Variants in MICALL2 observed in about 807,000 individuals in gnomAD.
MICALL2 encodes the protein MICAL-like protein 2.
MICALL2 carries 111 observed loss-of-function variants against 91.1 expected under a neutral mutation model. That is an observed-to-expected ratio of 1.22 (90% confidence interval 1.04 to 1.43). The LOEUF (loss-of-function observed/expected upper bound fraction) is 1.43, where lower values mean the gene tolerates loss of function less well. MICALL2 is among the 40% of genes most tolerant of loss of function. The pLI is 0.00. For synonymous variants in MICALL2, 694 were observed against 525.3 expected, an observed-to-expected ratio of 1.32 and a Z score of -4.39; for missense variants, 1,556 against 1,236.0, an observed-to-expected ratio of 1.26 and a Z score of -3.88.
chr7:1,437,614 G>T lies in MICALL2; in HGVS notation c.2403-6C>A, dbSNP rs990611820. On this transcript the variant is annotated splice_polypyrimidine_tract_variant and splice_region_variant and intron_variant, in intron 13 of 16. Coordinates refer to ENST00000297508, the MANE Select transcript of MICALL2 (RefSeq NM_182924.4). ...CCAGACGCTGGGCCTTGGACCTGCC[G>T]CACAGACACGCGTCTGAGGCCTGAC... 7 of 1,538,654 alleles carry T rather than the reference G, an allele frequency of 4.5e-6. No individual in the cohort carries two copies. In the South Asian group the frequency reaches 6.0e-5, roughly 13 times the overall value.
At chr7:1,435,406 A>AG (rs879543928) in intron 15 of MICALL2, among the ~76,000 whole-genome samples, 5,415 of 151,646 alleles carry the variant, frequency 0.036, 349 homozygotes, top group African/African-American at 0.096. Flanking sequence ...GACCTGGGAC[A>AG]GAAGGGCCTG....
At chr7:1,444,376 C>A (rs1351901797) in intron 6 of MICALL2, among the ~76,000 whole-genome samples, 1 of 152,192 alleles carries the variant, frequency 6.6e-6, no homozygotes, top group African/African-American at 2.4e-5. Context: ...GCACAGGGGG[C>A]CCCGGAGCGG....
Position 1,444,850 on chromosome 7 carries a change from G to A in MICALL2, c.1220C>T (p.Thr407Ile). Residue 407 changes from threonine (T) to isoleucine (I), a missense_variant, in exon 6 of 17, where the codon ACC becomes ATC. Transcript: ENST00000297508. Reference sequence around the variant, plus strand: ...CTGCTGGGTCCTGGAGGCGGACGGGGTCCAGGCTGGGGGGTCCACCGTGGC... The same window carrying A: ...CTGCTGGGTCCTGGAGGCGGACGGGATCCAGGCTGGGGGGTCCACCGTGGC... ...SAATVDPPAW[T>I]PSASRTQQAR... 1 of 1,605,450 alleles carries A rather than the reference G, an allele frequency of 6.2e-7. No individual in the cohort carries two copies. The highest frequency in any genetic ancestry group is 8.5e-7 in the Non-Finnish European group (1 of 1,177,774).
Position 1,455,629 on chromosome 7 carries a change from G to A in MICALL2, c.143+3555C>T, listed in dbSNP as rs144780968. ...GGTACACAGGAATGTCCGGATCCCCGCCCCCTCCACCCGGGGTCGGTGGGG... is the reference window on the plus strand; with the variant it reads ...GGTACACAGGAATGTCCGGATCCCCACCCCCTCCACCCGGGGTCGGTGGGG... On this transcript the variant is annotated intron_variant, in intron 1 of 16. Transcript: ENST00000297508. Among the ~76,000 whole-genome samples, 961 of 149,824 alleles carry A rather than the reference G, an allele frequency of 6.4e-3. 27 individuals carry two copies. Among genetic ancestry groups the A allele is most frequent in the Middle Eastern group, 0.014 (4 of 292 alleles).
rs1248472502 is a variant in MICALL2, at chr7:1,459,247, G to A, written c.80C>T (p.Thr27Ile). 2.5e-6 allele frequency: 4 copies of A among 1,611,038 alleles called. No homozygotes were observed. The highest frequency in any genetic ancestry group is 1.3e-5 in the African/African-American group (1 of 74,796). The change falls in exon 1 of 17, where the codon ACC becomes ATC. Residue 27 changes from threonine (T) to isoleucine (I), a missense_variant. By Grantham distance (89) the Thr-to-Ile change is moderately conservative. Transcript: ENST00000297508. ...AGCCAGGCCGTCGCGGAACGACGTG[G>A]TCATGTTGCAGATATTCACGTCGCG... Reference protein sequence around the residue: ...GYRDVNICNMTTSFRDGLAFC... With the variant: ...GYRDVNICNMITSFRDGLAFC...
rs1005824172 is a variant in MICALL2, at chr7:1,447,710, T to C, written c.390A>G (p.Ser130=). The C allele has an allele frequency of 5.1e-6, 8 of 1,576,874 alleles. No individual in the cohort carries two copies. The highest frequency in any genetic ancestry group is 2.7e-5 in the African/African-American group (2 of 74,116). Residue 130 remains serine, a synonymous_variant, in exon 4 of 17, where the codon TCA becomes TCG. Coordinates refer to ENST00000297508, the MANE Select transcript of MICALL2 (RefSeq NM_182924.4). ...RASEDSEEEP[S]GKKAPVQAAK... is the part of the protein sequence containing the mutation. The stretch of plus-strand genomic sequence containing the variant: ...CCGCCTGGACTGGAGCCTTCTTCCC[T>C]GACGGCTCCTCCTCAGAGTCCTCCG...
chr7:1,458,083 T>A (rs1481337421), intron 1 of MICALL2, among the ~76,000 whole-genome samples: 1 of 152,210 alleles, frequency 6.6e-6, no homozygotes, highest in Non-Finnish European at 1.5e-5. Context: ...GCTCCACGAA[T>A]GCATGTCACA....
At position 1,452,051 on chromosome 7, in the gene MICALL2, A is replaced by C. The variant is rs369775552; in HGVS notation, c.144-1763T>G. On this transcript the variant is annotated intron_variant, in intron 1 of 16. Transcript: ENST00000297508. This position sits in a 1 kb window ranked among gnomAD's most constrained non-coding sequence, Gnocchi z 6.2. Reference sequence around the variant, plus strand: ...GGAAGCCCCCGCCCCGTCCGCCTGCAGCCCTGCCGTCCATCAATCTGCTGG... The same window carrying C: ...GGAAGCCCCCGCCCCGTCCGCCTGCCGCCCTGCCGTCCATCAATCTGCTGG... 3.9e-5 allele frequency among the ~76,000 whole-genome samples: 6 copies of C among 152,290 alleles called. No individual in the cohort carries two copies. The highest frequency in any genetic ancestry group is 1.4e-4 in the African/African-American group (6 of 41,572).
chr7:1,448,939 G>A lies in MICALL2; in HGVS notation c.193-178C>T, dbSNP rs148138219. 5.5e-3 allele frequency among the ~76,000 whole-genome samples: 834 copies of A among 152,364 alleles called. 1 individual carries two copies. The highest frequency in any genetic ancestry group is 9.6e-3 in the Non-Finnish European group (656 of 68,032). ...CCTCAGCTTACCCATCATTGCAGCG[G>A]GGATCACGGTCCCATCTGCACAGGA... On this transcript the variant is annotated intron_variant, in intron 2 of 16. Transcript: ENST00000297508.
At chr7:1,444,502 C>G (rs777713204) in intron 6 of MICALL2, 150 bp downstream of exon 6, 1 of 803,148 alleles carries the variant, frequency 1.2e-6, no homozygotes, top group African/African-American at 1.7e-5. Flanking sequence ...CCTCCCCATT[C>G]CCCAGAGAAG....
At chr7:1,449,775 G>C (rs1780753694) in intron 2 of MICALL2, among the ~76,000 whole-genome samples, 1 of 152,246 alleles carries the variant, frequency 6.6e-6, no homozygotes, top group Admixed American at 6.5e-5. Flanking sequence ...GGCAAACTGA[G>C]GCTGCACACA....
At chr7:1,440,187 G>C in intron 8 of MICALL2, 102 bp from the exon 9 acceptor site, 2 of 1,445,960 alleles carry the variant, frequency 1.4e-6, no homozygotes, top group Non-Finnish European at 1.9e-6. Context: ...GAGGGAGCAG[G>C]TGGCCTTCTG....
rs768156654 is a variant in MICALL2, at chr7:1,445,346, G to A, written c.724C>T (p.Leu242Phe). 12 of 1,602,262 alleles carry A rather than the reference G, an allele frequency of 7.5e-6. No homozygotes were observed. The highest frequency in any genetic ancestry group is 9.3e-6 in the Non-Finnish European group (11 of 1,177,836). The part of the protein sequence containing the change: ...EPGTFVCTSH[L>F]PAAASASPKL... ...GGGCTTGCAGAGGCGGCTGCGGGGA[G>A]GTGGCTGGTGCAGACGAAGGTGCCC... Residue 242 changes from leucine (L) to phenylalanine (F), a missense_variant, in exon 6 of 17, where the codon CTC becomes TTC. Leu to Phe is a conservative substitution (Grantham distance 22, BLOSUM62 0). Transcript: ENST00000297508.
chr7:1,439,118 G>C, intron 9 of MICALL2, 123 bp from the exon 10 acceptor site: 1 of 760,286 alleles, frequency 1.3e-6, no homozygotes, highest in Non-Finnish European at 2.1e-6. Flanking sequence ...TGGGCCTCCC[G>C]ACTGGCACAG....
intron 13 of MICALL2, 90 bp from the exon 14 acceptor site, chr7:1,437,698 A>G (rs1475709129): frequency 5.9e-6 from 8 of 1,351,904 alleles, no homozygotes; most frequent in African/African-American, 3.0e-5. Flanking sequence ...TGGACCTGCC[A>G]CACAGACACG....
intron 16 of MICALL2, 151 bp from the exon 17 acceptor site, chr7:1,434,823 A>G: frequency 2.4e-6 from 2 of 848,708 alleles, no homozygotes; most frequent in Non-Finnish European, 3.6e-6. Context: ...GTGCCCTCCC[A>G]CGTGAGAACC....
Position 1,445,189 on chromosome 7 carries a change from G to C in MICALL2, c.881C>G (p.Ser294Trp). The part of the protein sequence containing the change: ...PSAWEPAAGN[S>W]PARASVPAAP... ...AGCTGGAACGGAAGCCCTGGCAGGC[G>C]AGTTGCCCGCAGCAGGCTCCCAGGC... is the stretch of plus-strand genomic sequence containing the variant. The change falls in exon 6 of 17, where the codon TCG (serine) becomes TGG (tryptophan). Residue 294 changes from serine (S) to tryptophan (W), a missense_variant. Transcript: ENST00000297508. 4 of 1,594,772 alleles carry C rather than the reference G, an allele frequency of 2.5e-6. No individual in the cohort carries two copies. In the South Asian group the frequency reaches 4.5e-5, roughly 18 times the overall value.
chr7:1,456,645 G>A (rs748495691), intron 1 of MICALL2, among the ~76,000 whole-genome samples: 3 of 151,986 alleles, frequency 2.0e-5, no homozygotes, highest in African/African-American at 7.3e-5. Flanking sequence ...AAATTAGCCA[G>A]GCATGGTCCC....
At chr7:1,458,879 G>A (rs1463258983) in intron 1 of MICALL2, among the ~76,000 whole-genome samples, 1 of 152,240 alleles carries the variant, frequency 6.6e-6, no homozygotes, top group African/African-American at 2.4e-5. Flanking sequence ...CAAAGAGGCA[G>A]CTCTGCTGGC....
Sources: gnomAD v4.1 joint callset for allele counts (sites outside exome capture counted in the v4.1 genomes callset) on GRCh38, gnomAD v4.1.1 for gene constraint, Gnocchi (gnomAD v3.1) non-coding constraint, MANE v1.5 for transcripts, NCBI Gene and HGNC (gene_info 2026-07-23, HGNC 2026-07-21) for gene names.